The following MSI2 variants were observed in gnomAD, a reference collection of about 807,000 sequenced individuals.
MSI2 encodes the protein RNA-binding protein Musashi homolog 2.
In MSI2, 17 loss-of-function variants were observed where a neutral mutation model predicts 45.6. The observed-to-expected ratio is 0.37, with a 90% CI of 0.26 to 0.56. The LOEUF (loss-of-function observed/expected upper bound fraction) is 0.56, where lower values mean the gene tolerates loss of function less well. Ranked by LOEUF, MSI2 falls within the 20% of genes least tolerant of loss-of-function variation. The probability of loss-of-function intolerance (pLI) is 0.77; values close to 1 mark genes in which losing one functional copy is unlikely to be tolerated. For missense variants in MSI2, 293 were observed against 444.2 expected (o/e 0.66, Z 3.06); for synonymous variants, 156 against 158.2 (o/e 0.99, Z 0.11).
At chr17:57,474,936 A>C (rs1016029883) in intron 6 of MSI2, among the ~76,000 whole-genome samples, 1 of 152,092 alleles carries the variant, frequency 6.6e-6, no homozygotes, top group Non-Finnish European at 1.5e-5. Context: ...GGTCAGGCTC[A>C]TCTCCAAATG....
At chr17:57,545,182 G>A (rs1479892537) in intron 7 of MSI2, among the ~76,000 whole-genome samples, 1 of 152,038 alleles carries the variant, frequency 6.6e-6, no homozygotes, top group East Asian at 1.9e-4. Flanking sequence ...CGTTTTTTAA[G>A]TAGAGCGTTA....
intron 6 of MSI2, among the ~76,000 whole-genome samples, chr17:57,415,650 C>T (rs879323381): frequency 2.0e-5 from 3 of 152,056 alleles, no homozygotes; most frequent in Non-Finnish European, 4.4e-5. Flanking sequence ...TTTCTGCTCC[C>T]CATTCCCCCC....
At chr17:57,324,872 C>T (rs1913653668) in intron 5 of MSI2, among the ~76,000 whole-genome samples, 1 of 152,212 alleles carries the variant, frequency 6.6e-6, no homozygotes, top group Admixed American at 6.5e-5. Context: ...GGGCCACATG[C>T]ACCTGACTGC....
chr17:57,369,963 A>C (rs1225482342), intron 5 of MSI2, among the ~76,000 whole-genome samples: 1 of 152,222 alleles, frequency 6.6e-6, no homozygotes, highest in Non-Finnish European at 1.5e-5. Flanking sequence ...AGAATAGAAG[A>C]CAGAATAAAG....
chr17:57,379,431 G>A (rs758674012), intron 5 of MSI2, among the ~76,000 whole-genome samples: 2 of 151,408 alleles, frequency 1.3e-5, no homozygotes, highest in Admixed American at 6.6e-5. Context: ...AATAAAAGTC[G>A]TGATTTATGA....
intron 5 of MSI2, chr17:57,267,628 G>A (rs779703172): frequency 2.0e-5 from 3 of 151,734 alleles, no homozygotes; most frequent in African/African-American, 7.3e-5. Flanking sequence ...ACACACAGGG[G>A]AGATGTAGTT....
chr17:57,475,011 C>T (rs567061436), intron 6 of MSI2, among the ~76,000 whole-genome samples: 42 of 152,274 alleles, frequency 2.8e-4, no homozygotes, highest in African/African-American at 6.3e-4. Context: ...GATGAGCCAC[C>T]GCACGCACCC....
chr17:57,585,739 T>C (rs1656352418), intron 7 of MSI2, among the ~76,000 whole-genome samples: 2 of 152,248 alleles, frequency 1.3e-5, no homozygotes, highest in African/African-American at 4.8e-5. Context: ...TTCCAGCTGA[T>C]ACCCCATCTC....
intron 6 of MSI2, among the ~76,000 whole-genome samples, chr17:57,427,752 G>A (rs1056492563): frequency 3.9e-5 from 6 of 152,120 alleles, no homozygotes; most frequent in African/African-American, 1.2e-4. Context: ...AATTTGATTT[G>A]TTAGGAATCT....
At chr17:57,297,256 TG>T (rs1336533025) in intron 5 of MSI2, among the ~76,000 whole-genome samples, 1 of 151,704 alleles carries the variant, frequency 6.6e-6, no homozygotes. Context: ...AGGCACACCT[TG>T]GAGATATTGC....
At chr17:57,665,789 G>A (rs563101416) in intron 11 of MSI2, among the ~76,000 whole-genome samples, 1 of 152,312 alleles carries the variant, frequency 6.6e-6, no homozygotes, top group African/African-American at 2.4e-5. Flanking sequence ...CTTTCCTGGG[G>A]TGGGGGAGGG....
intron 6 of MSI2, among the ~76,000 whole-genome samples, chr17:57,505,388 G>C (rs906436068): frequency 2.6e-5 from 4 of 152,208 alleles, no homozygotes; most frequent in Non-Finnish European, 2.9e-5. Context: ...AGAGCACCTG[G>C]GGCCTAGAAA....
At chr17:57,340,076 TACTG>T (rs763456482) in intron 5 of MSI2, among the ~76,000 whole-genome samples, 14 of 152,218 alleles carry the variant, frequency 9.2e-5, no homozygotes, top group Admixed American at 5.2e-4. Context: ...CCTTGAGTGA[TACTG>T]ACTAACATTT....
Position 57,375,353 on chromosome 17 carries a change from G to A in MSI2, c.313-26026G>A, listed in dbSNP as rs114112523. 3.9e-3 allele frequency among the ~76,000 whole-genome samples: 593 copies of A among 152,312 alleles called. 2 individuals carry two copies. Among genetic ancestry groups the A allele is most frequent in the African/African-American group, 0.014 (577 of 41,564 alleles). On this transcript the variant is annotated intron_variant, in intron 5 of 13. Coordinates refer to ENST00000284073, the MANE Select transcript of MSI2 (RefSeq NM_138962.4). Reference sequence around the variant, plus strand: ...TGTTTGTAAAACATTCTGCTTTGTGGTATAGAGCCAGGAGCCGAGGAGAGG... The same window carrying A: ...TGTTTGTAAAACATTCTGCTTTGTGATATAGAGCCAGGAGCCGAGGAGAGG...
intron 5 of MSI2, among the ~76,000 whole-genome samples, chr17:57,343,050 C>A (rs1442274332): frequency 2.0e-5 from 3 of 152,092 alleles, no homozygotes; most frequent in Non-Finnish European, 4.4e-5. Flanking sequence ...AATCTGATAG[C>A]AGATTTTAAA....
chr17:57,489,100 C>T (rs538231614), intron 6 of MSI2, among the ~76,000 whole-genome samples: 71 of 152,270 alleles, frequency 4.7e-4, no homozygotes, highest in African/African-American at 1.7e-3. Context: ...GGGTTCTGGT[C>T]GCAGCTCTGT....
At chr17:57,411,234 T>C (rs1007319033) in intron 6 of MSI2, among the ~76,000 whole-genome samples, 1 of 152,200 alleles carries the variant, frequency 6.6e-6, no homozygotes, top group African/African-American at 2.4e-5. Flanking sequence ...CTCAAACTCC[T>C]GGACTCAAGT....
At chr17:57,525,846 C>T (rs1209111117) in intron 6 of MSI2, among the ~76,000 whole-genome samples, 3 of 152,126 alleles carry the variant, frequency 2.0e-5, no homozygotes, top group East Asian at 1.9e-4. Flanking sequence ...CAGGTGAGCG[C>T]GTTGTCAACA....
intron 7 of MSI2, among the ~76,000 whole-genome samples, chr17:57,562,544 G>A (rs1465834534): frequency 2.4e-4 from 36 of 152,210 alleles, no homozygotes; most frequent in Admixed American, 2.2e-3. Flanking sequence ...GTGGGTCCCA[G>A]CTCTCCAGCA....
Sources: gnomAD v4.1 joint callset for allele counts (sites outside exome capture counted in the v4.1 genomes callset) on GRCh38, gnomAD v4.1.1 for gene constraint, MANE v1.5 for transcripts, NCBI Gene and HGNC (gene_info 2026-07-23, HGNC 2026-07-21) for gene names.